Variants in GLYATL2 observed in about 807,000 individuals in gnomAD.
GLYATL2 encodes glycine-N-acyltransferase like 2, also known as glycine N-acyltransferase-like protein 2.
GLYATL2 carries 25 observed loss-of-function variants against 21.4 expected under a neutral mutation model. That is an observed-to-expected ratio of 1.17 (90% CI 0.85 to 1.63). GLYATL2 has a LOEUF of 1.63. GLYATL2 is among the 40% of genes most tolerant of loss of function. The pLI, the probability that GLYATL2 is intolerant of heterozygous loss-of-function variation, is 0.00. For synonymous variants in GLYATL2, 114 were observed against 118.2 expected (o/e 0.96, Z 0.23); for missense variants, 361 against 343.3 (o/e 1.05, Z -0.41).
intron 1 of GLYATL2, among the ~76,000 whole-genome samples, chr11:58,842,262 G>GA (rs1001820266): frequency 6.6e-6 from 1 of 151,972 alleles, no homozygotes; most frequent in African/African-American, 2.4e-5. Flanking sequence ...TGAAAAGTCA[G>GA]AAAAAAAATT....
chr11:58,861,295 A>C (rs1375155163), intron 1 of GLYATL2, among the ~76,000 whole-genome samples: 4 of 151,002 alleles, frequency 2.6e-5, no homozygotes, highest in Admixed American at 2.6e-4. Context: ...TTAGATTTTC[A>C]ATTTCTTCAT....
At chr11:58,860,550 A>T (rs1853912822) in intron 1 of GLYATL2, among the ~76,000 whole-genome samples, 1 of 152,102 alleles carries the variant, frequency 6.6e-6, no homozygotes, top group Non-Finnish European at 1.5e-5. Flanking sequence ...TGCAAACAGG[A>T]ATATATTTAG....
In GLYATL2 at chr11:58,893,725, T is replaced by C. The variant is rs111452200; in HGVS notation, n.60+10431A>G. ...AAGGGGTTACCAGTAAACATGTAAC[T>C]AGAAAGCCAGGCTCAGTTCTTACCT... On this transcript the variant is annotated intron_variant and non_coding_transcript_variant, in intron 1 of 4. Transcript: ENST00000533636. 2.4e-3 allele frequency among the ~76,000 whole-genome samples: 367 copies of C among 152,290 alleles called. 4 individuals carry two copies. Among genetic ancestry groups the C allele is most frequent in the African/African-American group, 7.4e-3 (306 of 41,564 alleles).
chr11:58,864,301 C>CAGTTTAATTGAG (rs1554976172), intron 1 of GLYATL2, among the ~76,000 whole-genome samples: 6 of 149,728 alleles, frequency 4.0e-5, no homozygotes, highest in East Asian at 2.2e-4. Context: ...GAGCATGAAG[C>CAGTTTAATTGAG]CACTAGGGCT....
At chr11:58,892,471 G>A (rs931901046) in intron 1 of GLYATL2, 3 of 160,606 alleles carry the variant, frequency 1.9e-5, no homozygotes, top group African/African-American at 7.2e-5. Context: ...TCATTACATT[G>A]GGAATGTAAA....
chr11:58,875,418 T>C (rs2134606858), intron 1 of GLYATL2, among the ~76,000 whole-genome samples: 1 of 152,340 alleles, frequency 6.6e-6, no homozygotes, highest in East Asian at 1.9e-4. Flanking sequence ...ATTTTTGCAG[T>C]GGCTGGTACT....
chr11:58,857,457 G>A (rs1338243822), intron 1 of GLYATL2, among the ~76,000 whole-genome samples: 3 of 152,154 alleles, frequency 2.0e-5, no homozygotes, highest in Admixed American at 1.3e-4. Context: ...TAGACCTGGA[G>A]AAGCCTTTTC....
At chr11:58,895,124 C>G (rs1471018133) in intron 1 of GLYATL2, among the ~76,000 whole-genome samples, 1 of 152,160 alleles carries the variant, frequency 6.6e-6, no homozygotes, top group Non-Finnish European at 1.5e-5. Context: ...TCTGTCCCTT[C>G]CCTGAATGCA....
chr11:58,843,724 G>GAA (rs78684712), intron 1 of GLYATL2, among the ~76,000 whole-genome samples: 1 of 151,852 alleles, frequency 6.6e-6, no homozygotes, highest in Non-Finnish European at 1.5e-5. Flanking sequence ...AATAGACAGG[G>GAA]AAAAATGTAC....
chr11:58,852,139 A>G (rs1853752772), intron 1 of GLYATL2, among the ~76,000 whole-genome samples: 1 of 152,236 alleles, frequency 6.6e-6, no homozygotes, highest in African/African-American at 2.4e-5. Flanking sequence ...GACTATATTT[A>G]TGAATGTGTT....
chr11:58,891,337 C>T (rs1854539993), intron 1 of GLYATL2, among the ~76,000 whole-genome samples: 1 of 152,186 alleles, frequency 6.6e-6, no homozygotes, highest in Non-Finnish European at 1.5e-5. Context: ...AAGTCTCTTT[C>T]TTTCAAACCC....
At chr11:58,865,537 CA>C (rs1854008628) in intron 1 of GLYATL2, among the ~76,000 whole-genome samples, 3 of 149,110 alleles carry the variant, frequency 2.0e-5, no homozygotes, top group Non-Finnish European at 4.5e-5. Context: ...TTTTCCAAAA[CA>C]AAGAACAACG....
chr11:58,897,606 C>A lies in GLYATL2; in HGVS notation n.60+6550G>T, dbSNP rs146893920. Reference sequence around the variant, plus strand: ...ACACACACACACATCCTCCTGCTATCCTTTGGCCCTAGATCTCACCTAACT... The same window carrying A: ...ACACACACACACATCCTCCTGCTATACTTTGGCCCTAGATCTCACCTAACT... On this transcript the variant is annotated intron_variant and non_coding_transcript_variant, in intron 1 of 4. Transcript: ENST00000533636. Among the ~76,000 whole-genome samples the A allele has an allele frequency of 3.0e-3, 460 of 152,208 alleles. 3 individuals are homozygous for A. Among genetic ancestry groups the A allele is most frequent in the Non-Finnish European group, 4.9e-3 (332 of 67,990 alleles).
At chr11:58,850,912 G>A (rs1853730052) in intron 1 of GLYATL2, among the ~76,000 whole-genome samples, 1 of 152,100 alleles carries the variant, frequency 6.6e-6, no homozygotes, top group Non-Finnish European at 1.5e-5. Flanking sequence ...TCTACTCTGG[G>A]CACCTGGCTC....
chr11:58,850,972 A>T (rs1853731066), intron 1 of GLYATL2, among the ~76,000 whole-genome samples: 1 of 152,150 alleles, frequency 6.6e-6, no homozygotes, highest in South Asian at 2.1e-4. Context: ...AAAGTCTTTG[A>T]TCTTTCTGAA....
intron 1 of GLYATL2, among the ~76,000 whole-genome samples, chr11:58,855,427 G>T (rs1853811783): frequency 6.6e-6 from 1 of 152,142 alleles, no homozygotes; most frequent in Non-Finnish European, 1.5e-5. Flanking sequence ...TCAATTGTAG[G>T]CTTAAAATAT....
chr11:58,901,892 A>T (rs1161482117), intron 1 of GLYATL2, among the ~76,000 whole-genome samples: 1 of 152,154 alleles, frequency 6.6e-6, no homozygotes, highest in Non-Finnish European at 1.5e-5. Flanking sequence ...CTGTATGAGG[A>T]TGGAAGTGAA....
chr11:58,873,663 T>C (rs1309032749), intron 1 of GLYATL2, among the ~76,000 whole-genome samples: 1 of 152,242 alleles, frequency 6.6e-6, no homozygotes, highest in Non-Finnish European at 1.5e-5. Context: ...ATAAGCTTTT[T>C]GATCTGTTGC....
upstream of GLYATL2, among the ~76,000 whole-genome samples, chr11:58,906,056 AATCGG>A (rs1784282396): frequency 1.3e-5 from 2 of 152,194 alleles, no homozygotes; most frequent in African/African-American, 4.8e-5. Context: ...AACACCTGCG[AATCGG>A]GAGCAGCGGG....
Sources: gnomAD v4.1 joint callset for allele counts (sites outside exome capture counted in the v4.1 genomes callset) on GRCh38, gnomAD v4.1.1 for gene constraint, MANE v1.5 for transcripts, NCBI Gene and HGNC (gene_info 2026-07-23, HGNC 2026-07-21) for gene names.